PIGK: variants seen among roughly 807,000 people sequenced by gnomAD.
PIGK encodes phosphatidylinositol glycan anchor biosynthesis class K.
In PIGK, 42 loss-of-function variants were observed where a neutral mutation model predicts 50.6. That is an observed-to-expected ratio of 0.83 (90% confidence interval 0.65 to 1.07). The LOEUF (loss-of-function observed/expected upper bound fraction) is 1.07, where lower values mean the gene tolerates loss of function less well. Ranked by LOEUF, PIGK falls within the 50% of genes least tolerant of loss-of-function variation. PIGK has a pLI of 0.00. For missense variants in PIGK, 448 were observed against 488.7 expected (o/e 0.92, Z 0.78); for synonymous variants, 151 against 156.0 (o/e 0.97, Z 0.24).
chr1:77,175,768 G>A (rs1486311180), intron 3 of PIGK, among the ~76,000 whole-genome samples: 2 of 151,974 alleles, frequency 1.3e-5, no homozygotes, highest in Non-Finnish European at 2.9e-5. Flanking sequence ...TACATAAAGT[G>A]AACATTTAAA....
At chr1:77,193,945 A>G (rs1050771646) in intron 3 of PIGK, among the ~76,000 whole-genome samples, 2 of 152,226 alleles carry the variant, frequency 1.3e-5, no homozygotes, top group African/African-American at 4.8e-5. Flanking sequence ...CATCTAACAA[A>G]GGTCTAATAT....
intron 3 of PIGK, among the ~76,000 whole-genome samples, chr1:77,185,282 G>A (rs1299288434): frequency 1.3e-5 from 2 of 152,158 alleles, no homozygotes; most frequent in Non-Finnish European, 2.9e-5. Context: ...GAGAGACCTT[G>A]ATCCTTTTTG....
chr1:77,219,211 T>C (rs904722692), intron 1 of PIGK, 99 bp downstream of exon 1: 22 of 945,628 alleles, frequency 2.3e-5, no homozygotes, highest in South Asian at 6.9e-5. Flanking sequence ...CAGGGGCTGA[T>C]TGACTCCAGG....
At chr1:77,092,627 G>A in intron 10 of PIGK, 137 bp from the exon 11 acceptor site, 1 of 624,614 alleles carries the variant, frequency 1.6e-6, no homozygotes. Context: ...AAACACATTG[G>A]GATAGCAACA....
In PIGK at chr1:77,115,630, C is replaced by A. The variant is rs564474138; in HGVS notation, c.1071+6645G>T. 1.3e-5 allele frequency among the ~76,000 whole-genome samples: 2 copies of A among 152,108 alleles called. 1 individual carries two copies. The highest frequency in any genetic ancestry group is 4.2e-4 in the South Asian group (2 of 4,814). ...ACCAGGATACTGTATGAACTGGTTA[C>A]ACTGGAAAAAAATACCTCTAGGACT... is the stretch of plus-strand genomic sequence containing the variant. On this transcript the variant is annotated intron_variant, in intron 10 of 10. Coordinates refer to ENST00000370812, the MANE Select transcript of PIGK (RefSeq NM_005482.3).
intron 10 of PIGK, among the ~76,000 whole-genome samples, chr1:77,115,492 T>G (rs1425704226): frequency 1.3e-5 from 2 of 151,930 alleles, no homozygotes; most frequent in East Asian, 3.9e-4. Flanking sequence ...GCAACCAGTA[T>G]TTGGAAGGAG....
chr1:77,119,231 G>A (rs559007349), intron 10 of PIGK, among the ~76,000 whole-genome samples: 1 of 152,196 alleles, frequency 6.6e-6, no homozygotes, highest in Admixed American at 6.5e-5. Flanking sequence ...AATTAGAATT[G>A]CTAAATTGGG....
chr1:77,208,247 T>A (rs1656336307), intron 2 of PIGK, among the ~76,000 whole-genome samples: 1 of 151,898 alleles, frequency 6.6e-6, no homozygotes, highest in Admixed American at 6.6e-5. Flanking sequence ...TTTTTAATTT[T>A]AAAAAATAAA....
intron 8 of PIGK, among the ~76,000 whole-genome samples, chr1:77,157,991 T>C (rs887065113): frequency 6.6e-6 from 1 of 152,180 alleles, no homozygotes; most frequent in African/African-American, 2.4e-5. Flanking sequence ...ATAAGCCCAT[T>C]AAACCTCTTT....
rs1338399732 is a variant in PIGK at position 77,216,028 on chromosome 1, G to C, written c.93+3282C>G. On this transcript the variant is annotated intron_variant, in intron 1 of 10. Coordinates refer to ENST00000370812, the MANE Select transcript of PIGK (RefSeq NM_005482.3). ...AGTTCTAGCCTTCTATAGCACTTTA[G>C]AGTAACTATAGTAAACAATAATTTA... 7.2e-5 allele frequency among the ~76,000 whole-genome samples: 11 copies of C among 152,050 alleles called. No individual in the cohort carries two copies. The East Asian group carries it at 2.1e-3, about 29-fold the overall frequency.
At chr1:77,215,849 T>C (rs1656547442) in intron 1 of PIGK, among the ~76,000 whole-genome samples, 1 of 152,162 alleles carries the variant, frequency 6.6e-6, no homozygotes, top group Non-Finnish European at 1.5e-5. Context: ...GAAATTTAAA[T>C]TTTTTAATTT....
intron 8 of PIGK, among the ~76,000 whole-genome samples, chr1:77,160,416 T>G (rs557107552): frequency 1.1e-4 from 17 of 152,310 alleles, no homozygotes; most frequent in African/African-American, 3.8e-4. Flanking sequence ...GATTTATATA[T>G]AATTAAAGAG....
chr1:77,161,276 A>C lies in PIGK; in HGVS notation c.813+19T>G, dbSNP rs1295467200. On this transcript the variant is annotated intron_variant, in intron 8 of 10. Coordinates refer to ENST00000370812, the MANE Select transcript of PIGK (RefSeq NM_005482.3). ...GTTAGCATACCTATGTGCTATAATC[A>C]AATCAAGTGAATACTTACAAGGTCA... 1 of 1,173,924 alleles carries C rather than the reference A, an allele frequency of 8.5e-7. No individual in the cohort carries two copies. Among genetic ancestry groups the C allele is most frequent in the Non-Finnish European group, 1.3e-6 (1 of 778,522 alleles). The allele number at this position is 1,173,924 out of a possible 1,614,324, so 72.7% of individuals were successfully genotyped here.
At chr1:77,116,585 TGTGTGTGTGTGC>T (rs1012081735) in intron 10 of PIGK, among the ~76,000 whole-genome samples, 181 of 105,954 alleles carry the variant, frequency 1.7e-3, no homozygotes, top group South Asian at 0.012. Context: ...TGTGTGTGTG[TGTGTGTGTGTGC>T]GCGTGTGTGT....
At chr1:77,186,291 TGCA>T (rs2100572461) in intron 3 of PIGK, among the ~76,000 whole-genome samples, 1 of 152,344 alleles carries the variant, frequency 6.6e-6, no homozygotes, top group South Asian at 2.1e-4. Context: ...AGTGGACAGC[TGCA>T]GCACTACTGC....
At chr1:77,110,595 A>G (rs2100518942) in intron 10 of PIGK, among the ~76,000 whole-genome samples, 1 of 152,340 alleles carries the variant, frequency 6.6e-6, no homozygotes, top group East Asian at 1.9e-4. Context: ...CTTACACCTT[A>G]TACAAAAATT....
chr1:77,203,037 A>G (rs1656204012), intron 3 of PIGK, among the ~76,000 whole-genome samples: 1 of 152,204 alleles, frequency 6.6e-6, no homozygotes, highest in African/African-American at 2.4e-5. Context: ...AGTGTTAAAG[A>G]TATGTATATT....
At chr1:77,179,379 T>A (rs906556384) in intron 3 of PIGK, among the ~76,000 whole-genome samples, 1 of 152,234 alleles carries the variant, frequency 6.6e-6, no homozygotes. Flanking sequence ...TGAGTCCTTG[T>A]GGACAAACTG....
intron 4 of PIGK, among the ~76,000 whole-genome samples, chr1:77,167,413 T>C (rs1019427232): frequency 6.6e-6 from 1 of 152,194 alleles, no homozygotes; most frequent in Non-Finnish European, 1.5e-5. Context: ...AAATGCTATG[T>C]GAAGTGCTGC....
Sources: gnomAD v4.1 joint callset for allele counts (sites outside exome capture counted in the v4.1 genomes callset) on GRCh38, gnomAD v4.1.1 for gene constraint, MANE v1.5 for transcripts, NCBI Gene and HGNC (gene_info 2026-07-23, HGNC 2026-07-21) for gene names.